The following STXBP5L variants were observed in gnomAD, a reference collection of about 807,000 sequenced individuals.
STXBP5L encodes syntaxin binding protein 5L.
Under a neutral mutation model 144.5 loss-of-function variants are expected in STXBP5L, and 65 were observed. The ratio of observed to expected loss-of-function variants is 0.45; its 90% CI spans 0.37 to 0.55. The LOEUF is 0.55. STXBP5L is among the 20% of genes least tolerant of loss of function. The pLI is 0.00. For synonymous variants in STXBP5L, 505 were observed against 469.6 expected (o/e 1.08, Z -0.97); for missense variants, 1,298 against 1,405.5 (o/e 0.92, Z 1.22).
chr3:121,191,431 C>T lies in STXBP5L; in HGVS notation c.878-14492C>T, dbSNP rs202195450. On this transcript the variant is annotated intron_variant, in intron 9 of 26. Transcript: ENST00000471454. ...GCGCACGCCTGCAATCCCAGGCATT[C>T]GGCAGGCTGAGGCAGGAGAATCAGG... Among the ~76,000 whole-genome samples, 7 of 152,274 alleles carry T rather than the reference C, an allele frequency of 4.6e-5. No individual in the cohort carries two copies. The East Asian group carries it at 7.7e-4, about 17-fold the overall frequency.
chr3:121,071,527 C>G (rs1020857389), intron 5 of STXBP5L, among the ~76,000 whole-genome samples: 2 of 152,168 alleles, frequency 1.3e-5, no homozygotes, highest in Admixed American at 6.5e-5. Context: ...TCCACTGGTC[C>G]TGGATGGCAG....
chr3:121,073,186 C>G (rs1440040647), intron 5 of STXBP5L, among the ~76,000 whole-genome samples: 1 of 152,204 alleles, frequency 6.6e-6, no homozygotes, highest in Non-Finnish European at 1.5e-5. Context: ...TGTTTCCACA[C>G]AACAGTGATA....
chr3:121,109,159 A>G (rs1290687574), intron 5 of STXBP5L, among the ~76,000 whole-genome samples: 1 of 151,720 alleles, frequency 6.6e-6, no homozygotes, highest in Non-Finnish European at 1.5e-5. Flanking sequence ...GTAGCGGTCT[A>G]TTTCATTATT....
chr3:121,199,828 G>C (rs1027565962), intron 9 of STXBP5L, among the ~76,000 whole-genome samples: 5 of 152,104 alleles, frequency 3.3e-5, no homozygotes, highest in African/African-American at 1.2e-4. Context: ...TCCCAGGGGT[G>C]AAGTCGACTT....
At chr3:121,093,902 G>A (rs1227563029) in intron 5 of STXBP5L, among the ~76,000 whole-genome samples, 1 of 151,826 alleles carries the variant, frequency 6.6e-6, no homozygotes, top group Non-Finnish European at 1.5e-5. Flanking sequence ...TTCTCTTGTG[G>A]GCATTTAGTG....
chr3:121,419,261 A>AC lies in STXBP5L; in HGVS notation c.*167dup. ...AGAGATGTATCAGAGACACTGTGCAACCCAAAGGCTGGAGCCCTGGTTAAA... is the reference window on the plus strand; with the variant it reads ...AGAGATGTATCAGAGACACTGTGCAACCCCAAAGGCTGGAGCCCTGGTTAAA... On this transcript the variant is annotated 3_prime_UTR_variant, in exon 27 of 27. Coordinates refer to ENST00000471454, the MANE Select transcript of STXBP5L (RefSeq NM_001308330.2). 1.5e-6 allele frequency: 1 copy of AC among 658,334 alleles called. No homozygotes were observed. Among genetic ancestry groups the AC allele is most frequent in the Non-Finnish European group, 2.4e-6 (1 of 422,650 alleles). The allele number at this position is 658,334 out of a possible 1,614,324, so 40.8% of individuals were successfully genotyped here. A position where few individuals can be genotyped will look rare whatever the true frequency, so the allele number is the denominator to read the frequency against.
At chr3:121,173,634 G>A (rs2046819597) in intron 9 of STXBP5L, among the ~76,000 whole-genome samples, 1 of 151,934 alleles carries the variant, frequency 6.6e-6, no homozygotes, top group Non-Finnish European at 1.5e-5. Flanking sequence ...TGTATTATAT[G>A]TATTATATAC....
intron 7 of STXBP5L, among the ~76,000 whole-genome samples, chr3:121,147,416 G>A (rs1342233706): frequency 6.6e-6 from 1 of 152,022 alleles, no homozygotes; most frequent in Non-Finnish European, 1.5e-5. Context: ...AAACAAAATT[G>A]CAATAACAAT....
intron 2 of STXBP5L, among the ~76,000 whole-genome samples, chr3:120,928,020 T>C (rs1283989856): frequency 6.6e-6 from 1 of 152,072 alleles, no homozygotes; most frequent in African/African-American, 2.4e-5. Context: ...AGCTGAACAT[T>C]TGGGAGTTGA....
chr3:121,338,976 G>C (rs1486866168), intron 20 of STXBP5L, among the ~76,000 whole-genome samples: 1 of 152,022 alleles, frequency 6.6e-6, no homozygotes, highest in Non-Finnish European at 1.5e-5. Flanking sequence ...GACATTCAAA[G>C]AATTGGCGCC....
rs932429347 is a variant in STXBP5L at position 120,990,190 on chromosome 3, A to G, written c.287+35153A>G. Among the ~76,000 whole-genome samples the G allele has an allele frequency of 1.1e-4, 16 of 152,220 alleles. 1 individual carries two copies. Among genetic ancestry groups the G allele is most frequent in the South Asian group, 6.2e-4 (3 of 4,834 alleles). Reference sequence around the variant, plus strand: ...CAGACAAACAGAGAGCCAAATCATGAGTGAACTCCCATTCACAATTGCTTC... The same window carrying G: ...CAGACAAACAGAGAGCCAAATCATGGGTGAACTCCCATTCACAATTGCTTC... On this transcript the variant is annotated intron_variant, in intron 3 of 26. Transcript: ENST00000471454.
chr3:121,342,505 A>G (rs1270779267), intron 20 of STXBP5L, among the ~76,000 whole-genome samples: 1 of 59,376 alleles, frequency 1.7e-5, no homozygotes, highest in Non-Finnish European at 3.2e-5. Context: ...CCCTCCCCCC[A>G]CCCCACAACG....
intron 3 of STXBP5L, among the ~76,000 whole-genome samples, chr3:120,979,181 G>C (rs1247910963): frequency 6.6e-6 from 1 of 152,194 alleles, no homozygotes; most frequent in Non-Finnish European, 1.5e-5. Flanking sequence ...AGGCCTCCTT[G>C]AGCTGTGGTG....
chr3:121,104,578 C>T (rs527243240), intron 5 of STXBP5L, among the ~76,000 whole-genome samples: 16 of 151,968 alleles, frequency 1.1e-4, no homozygotes, highest in Non-Finnish European at 1.8e-4. Context: ...AAATAGGGAA[C>T]CCAAAAATAA....
chr3:120,928,429 A>G (rs1709751273), intron 2 of STXBP5L, among the ~76,000 whole-genome samples: 1 of 151,914 alleles, frequency 6.6e-6, no homozygotes, highest in South Asian at 2.1e-4. Context: ...CGCCTGGCTA[A>G]TTTTTGTATT....
chr3:121,090,519 C>T (rs1375793548), intron 5 of STXBP5L, among the ~76,000 whole-genome samples: 2 of 152,208 alleles, frequency 1.3e-5, no homozygotes, highest in African/African-American at 2.4e-5. Context: ...TGAAAATAGA[C>T]TTCCATACCT....
At chr3:121,401,373 A>T (rs2046869775) in intron 22 of STXBP5L, among the ~76,000 whole-genome samples, 1 of 151,290 alleles carries the variant, frequency 6.6e-6, no homozygotes, top group South Asian at 2.1e-4. Flanking sequence ...ATACCATTTG[A>T]CCCAGCCATC....
chr3:121,127,095 C>A (rs184198143), intron 7 of STXBP5L, among the ~76,000 whole-genome samples: 12 of 148,580 alleles, frequency 8.1e-5, no homozygotes, highest in Non-Finnish European at 1.8e-4. Context: ...CATCTCAGAA[C>A]AATTAATTAC....
Position 120,910,961 on chromosome 3 carries a change from T to TTAAC in STXBP5L, c.189+1195_189+1198dup, listed in dbSNP as rs370082988. 2.5e-3 allele frequency among the ~76,000 whole-genome samples: 380 copies of TTAAC among 152,262 alleles called. 2 individuals are homozygous for TTAAC. Among genetic ancestry groups the TTAAC allele is most frequent in the African/African-American group, 8.6e-3 (357 of 41,576 alleles). ...ATATTCTGTTCGATGAGGGAAGGTC[T>TTAAC]TAACAGTGGTTATGAGACAAATGTA... On this transcript the variant is annotated intron_variant, in intron 2 of 26. Transcript: ENST00000471454.
Sources: allele counts gnomAD v4.1 joint callset (sites outside exome capture counted in the v4.1 genomes callset), GRCh38; gene constraint gnomAD v4.1.1; transcripts MANE v1.5; gene names NCBI Gene and HGNC (gene_info 2026-07-23, HGNC 2026-07-21).